The following CYREN variants were observed in gnomAD, a reference collection of about 807,000 sequenced individuals.
The protein encoded by CYREN is cell cycle regulator of non-homologous end joining.
A neutral mutation model predicts 9.7 loss-of-function variants in CYREN; 7 were observed. The ratio of observed to expected loss-of-function variants is 0.72; its 90% CI spans 0.41 to 1.36. The LOEUF (loss-of-function observed/expected upper bound fraction) is 1.36. Ranked by LOEUF, CYREN falls within the 40% of genes most tolerant of loss-of-function variation. CYREN has a pLI of 0.01. For synonymous variants in CYREN, 76 were observed against 77.9 expected, an observed-to-expected ratio of 0.98 and a Z score of 0.13; for missense variants, 215 against 198.1, an observed-to-expected ratio of 1.09 and a Z score of -0.51.
intron 2 of CYREN, among the ~76,000 whole-genome samples, chr7:135,137,991 G>A (rs1264155370): frequency 3.3e-5 from 5 of 151,002 alleles, no homozygotes; most frequent in African/African-American, 4.9e-5. Context: ...CTTCTAATAC[G>A]ATCACACTAG....
At chr7:135,136,177 G>A (rs578185274) in intron 2 of CYREN, among the ~76,000 whole-genome samples, 2 of 152,170 alleles carry the variant, frequency 1.3e-5, no homozygotes, top group South Asian at 4.1e-4. Context: ...ATCCATTAGA[G>A]GATGAGGCTA....
chr7:135,124,415 A>C (rs1554376943), intron 2 of CYREN, among the ~76,000 whole-genome samples: 1 of 152,250 alleles, frequency 6.6e-6, no homozygotes, highest in Non-Finnish European at 1.5e-5. Context: ...TTAGAGACCC[A>C]AAAAGAGACA....
intron 1 of CYREN, among the ~76,000 whole-genome samples, chr7:135,169,831 G>A (rs1830519101): frequency 6.6e-6 from 1 of 152,334 alleles, no homozygotes; most frequent in East Asian, 1.9e-4. Context: ...AGTAGTCAGC[G>A]ATAGTCCTCT....
At chr7:135,136,322 A>G (rs1279372798) in intron 2 of CYREN, among the ~76,000 whole-genome samples, 1 of 152,084 alleles carries the variant, frequency 6.6e-6, no homozygotes, top group Non-Finnish European at 1.5e-5. Flanking sequence ...AAGAGTTTCC[A>G]AGGAGAGCCC....
At chr7:135,137,374 A>C (rs1829370188) in intron 2 of CYREN, among the ~76,000 whole-genome samples, 1 of 152,066 alleles carries the variant, frequency 6.6e-6, no homozygotes, top group Admixed American at 6.6e-5. Context: ...AAAGAATGAA[A>C]AATTCAGAAT....
At chr7:135,096,151 C>A (rs1204411098) in intron 2 of CYREN, among the ~76,000 whole-genome samples, 10 of 147,814 alleles carry the variant, frequency 6.8e-5, no homozygotes, top group Admixed American at 6.7e-5. Context: ...GACTCTCTCT[C>A]AAAAAAAAAA....
intron 2 of CYREN, among the ~76,000 whole-genome samples, chr7:135,121,196 A>G (rs1827083126): frequency 1.3e-5 from 2 of 152,192 alleles, no homozygotes; most frequent in South Asian, 4.1e-4. Context: ...CAAAAACAAA[A>G]CTCCGTCTCA....
At chr7:135,158,838 G>GA in intron 2 of CYREN, among the ~76,000 whole-genome samples, 1 of 152,316 alleles carries the variant, frequency 6.6e-6, no homozygotes, top group African/African-American at 2.4e-5. Flanking sequence ...GGCAGCAAGA[G>GA]CCATGTCTGT....
chr7:135,106,951 T>C (rs765021173), intron 2 of CYREN, among the ~76,000 whole-genome samples: 6 of 152,178 alleles, frequency 3.9e-5, no homozygotes, highest in Non-Finnish European at 5.9e-5. Flanking sequence ...GGAGGGTGTA[T>C]ATATCCAGGA....
chr7:135,167,046 C>G (rs531507330), intron 3 of CYREN, 175 bp from the exon 4 acceptor site: 3 of 985,208 alleles, frequency 3.0e-6, no homozygotes, highest in Non-Finnish European at 3.6e-6. Flanking sequence ...CTTCCCCTGA[C>G]CCCCTCTTCA....
At chr7:135,118,853 G>A (rs1826703313) in intron 2 of CYREN, among the ~76,000 whole-genome samples, 1 of 152,004 alleles carries the variant, frequency 6.6e-6, no homozygotes, top group Non-Finnish European at 1.5e-5. Flanking sequence ...TTTTTGAATT[G>A]AAAAATACCA....
intron 2 of CYREN, among the ~76,000 whole-genome samples, chr7:135,145,456 G>A (rs1249348410): frequency 6.6e-6 from 1 of 152,176 alleles, no homozygotes; most frequent in Non-Finnish European, 1.5e-5. Context: ...GTGGTGATGT[G>A]AGAAGCCAGG....
Position 135,151,204 on chromosome 7 carries a change from G to C in CYREN, n.356+17545C>G, listed in dbSNP as rs1829658227. Among the ~76,000 whole-genome samples the C allele has an allele frequency of 6.6e-6, 1 of 152,174 alleles. No homozygotes were observed. The highest frequency in any genetic ancestry group is 1.5e-5 in the Non-Finnish European group (1 of 68,032). ...TAAAAACTTGGTGGTTGGGATGGCT[G>C]TCCACAGAAAACACTGGTGAAATCC... On this transcript the variant is annotated intron_variant and non_coding_transcript_variant, in intron 2 of 2. Transcript: ENST00000459937. This position sits in a 1 kb window ranked among gnomAD's most constrained non-coding sequence, Gnocchi z 4.3.
chr7:135,134,665 TA>T (rs200672886), intron 2 of CYREN, among the ~76,000 whole-genome samples: 62 of 148,978 alleles, frequency 4.2e-4, no homozygotes, highest in South Asian at 6.3e-4. Flanking sequence ...GGAATAGTGC[TA>T]AAAAAAAAAT....
At chr7:135,161,619 C>T (rs1348892128), downstream of CYREN, among the ~76,000 whole-genome samples, 4 of 152,232 alleles carry the variant, frequency 2.6e-5, no homozygotes, top group Admixed American at 6.5e-5. This position sits in a 1 kb window ranked among gnomAD's most constrained non-coding sequence, Gnocchi z 4.1. Flanking sequence ...TTTTCCCATA[C>T]CATGGACTCA....
chr7:135,103,581 G>A (rs1824190127), intron 2 of CYREN, among the ~76,000 whole-genome samples: 1 of 152,046 alleles, frequency 6.6e-6, no homozygotes, highest in South Asian at 2.1e-4. Flanking sequence ...TCTGACATAT[G>A]GAAACCCATA....
chr7:135,103,433 T>TA (rs1267668720), intron 2 of CYREN, among the ~76,000 whole-genome samples: 7 of 152,204 alleles, frequency 4.6e-5, no homozygotes, highest in African/African-American at 1.7e-4. Flanking sequence ...CCATATGAGT[T>TA]AGAGTATAGA....
At chr7:135,102,076 C>T (rs139651561) in intron 2 of CYREN, among the ~76,000 whole-genome samples, 131 of 152,312 alleles carry the variant, frequency 8.6e-4, no homozygotes, top group African/African-American at 2.9e-3. Context: ...CATTAAACCT[C>T]TTTTCCTTTA....
At chr7:135,128,615 C>T (rs1454870648) in intron 2 of CYREN, 14 of 787,880 alleles carry the variant, frequency 1.8e-5, no homozygotes, top group Non-Finnish European at 3.2e-5. Context: ...GGGAAGAACA[C>T]CCTGGCAGCG....
Sources: allele counts gnomAD v4.1 joint callset (sites outside exome capture counted in the v4.1 genomes callset), GRCh38; gene constraint gnomAD v4.1.1; non-coding constraint Gnocchi (gnomAD v3.1); transcripts MANE v1.5; gene names NCBI Gene and HGNC (gene_info 2026-07-23, HGNC 2026-07-21).